SH3D21: variants seen among roughly 807,000 people sequenced by gnomAD.
SH3D21 encodes manchette microtubule inner protein 1.
SH3D21 carries 83 observed loss-of-function variants against 82.1 expected under a neutral mutation model. That is an observed-to-expected ratio of 1.01 (90% CI 0.85 to 1.21). SH3D21 has a LOEUF of 1.21. SH3D21 is among the 50% of genes most tolerant of loss of function. SH3D21 has a pLI of 0.00. For missense variants in SH3D21, 980 were observed against 962.1 expected, an observed-to-expected ratio of 1.02 and a Z score of -0.25; for synonymous variants, 383 against 387.8, an observed-to-expected ratio of 0.99 and a Z score of 0.15.
chr1:36,321,299 C>G lies in SH3D21; in HGVS notation c.*172C>G, dbSNP rs1179858304. The G allele has an allele frequency of 6.3e-6, 9 of 1,439,802 alleles. No homozygotes were observed. The highest frequency in any genetic ancestry group is 1.4e-5 in the African/African-American group (1 of 69,690). 89.2% of individuals were successfully genotyped at this position (1,439,802 alleles called of 1,614,324 possible). On this transcript the variant is annotated 3_prime_UTR_variant, in exon 16 of 16. Coordinates refer to ENST00000453908, the MANE Select transcript of SH3D21 (RefSeq NM_001162530.2). The surrounding 1 kb of genome is among the most constrained non-coding windows in gnomAD (Gnocchi z 6.1). ...AGGGCCTGGGCCTCCGCATTCCTGA[C>G]GGTCCCTCCCAGGCACATCTGGCCA...
downstream of SH3D21, among the ~76,000 whole-genome samples, chr1:36,326,027 A>C (rs561715185): frequency 6.6e-6 from 1 of 152,312 alleles, no homozygotes; most frequent in South Asian, 2.1e-4. Context: ...TCACAGGGAC[A>C]TCCACAGTGA....
rs1646149117 is a variant in SH3D21 at position 36,307,337 on chromosome 1, C to G, written c.345+52C>G. The G allele has an allele frequency of 6.5e-7, 1 of 1,546,034 alleles. No homozygotes were observed. The highest frequency in any genetic ancestry group is 8.8e-7 in the Non-Finnish European group (1 of 1,142,564). Reference sequence around the variant, plus strand: ...TGGGGGAGGATGATGGAACGCGCCTCCCTAGTGAGCGGGGTGGGAAGTGAG... The same window carrying G: ...TGGGGGAGGATGATGGAACGCGCCTGCCTAGTGAGCGGGGTGGGAAGTGAG... On this transcript the variant is annotated intron_variant, in intron 4 of 15. Coordinates refer to ENST00000453908, the MANE Select transcript of SH3D21 (RefSeq NM_001162530.2). The surrounding 1 kb of genome is among the most constrained non-coding windows in gnomAD (Gnocchi z 5.4).
At chr1:36,310,091 A>G (rs570071583) in intron 10 of SH3D21, among the ~76,000 whole-genome samples, 30 of 152,088 alleles carry the variant, frequency 2.0e-4, no homozygotes, top group Admixed American at 1.4e-3. Flanking sequence ...AGTAGCTGGG[A>G]CTACAGGCGC....
chr1:36,318,017 C>G (rs1322630268), intron 10 of SH3D21, among the ~76,000 whole-genome samples: 3 of 152,186 alleles, frequency 2.0e-5, no homozygotes, highest in Non-Finnish European at 2.9e-5. Flanking sequence ...ACAGCCAAAT[C>G]CCAGGTTGGA....
rs557155854 is a variant in SH3D21, at chr1:36,317,434, A to G, written c.770-1637A>G. Among the ~76,000 whole-genome samples, 8 of 152,374 alleles carry G rather than the reference A, an allele frequency of 5.3e-5. No individual in the cohort carries two copies. In the South Asian group the frequency reaches 1.7e-3, roughly 32 times the overall value. Reference sequence around the variant, plus strand: ...TAACATCAGCACTTGTGCACATGCCAGAGTGGCTGTTTTTCTATGGATCTG... The same window carrying G: ...TAACATCAGCACTTGTGCACATGCCGGAGTGGCTGTTTTTCTATGGATCTG... On this transcript the variant is annotated intron_variant, in intron 10 of 15. Transcript: ENST00000453908.
intron 10 of SH3D21, among the ~76,000 whole-genome samples, chr1:36,309,825 A>G (rs1378572412): frequency 6.6e-6 from 1 of 152,302 alleles, no homozygotes; most frequent in East Asian, 1.9e-4. Flanking sequence ...ATTGGTGGGT[A>G]TAGATTTGTT....
At chr1:36,322,459 C>T (rs1315018768), downstream of SH3D21, 1 of 1,604,848 alleles carries the variant, frequency 6.2e-7, no homozygotes, top group South Asian at 1.1e-5. Context: ...GACGTGAAGA[C>T]GTTGACGTTG....
chr1:36,308,629 G>A (rs1646178683), intron 9 of SH3D21, among the ~76,000 whole-genome samples, 154 bp downstream of exon 9: 1 of 152,142 alleles, frequency 6.6e-6, no homozygotes, highest in Non-Finnish European at 1.5e-5. Context: ...TACCGGTTGA[G>A]TATCGCTTAT....
At chr1:36,312,102 G>A (rs1469398810) in intron 10 of SH3D21, among the ~76,000 whole-genome samples, 1 of 151,234 alleles carries the variant, frequency 6.6e-6, no homozygotes, top group Non-Finnish European at 1.5e-5. Flanking sequence ...TCGGCTCACT[G>A]CAAGCTCCGC....
downstream of SH3D21, chr1:36,321,770 C>A (rs1570409782): frequency 4.2e-5 from 42 of 1,001,502 alleles, no homozygotes; most frequent in Non-Finnish European, 5.0e-5. The surrounding 1 kb of genome is among the most constrained non-coding windows in gnomAD (Gnocchi z 6.1). Flanking sequence ...TGTGTCCAGG[C>A]GTTTGCCGGT....
At chr1:36,313,972 C>CTTTCTTTTT (rs1646291164) in intron 10 of SH3D21, among the ~76,000 whole-genome samples, 1 of 36,784 alleles carries the variant, frequency 2.7e-5, no homozygotes, top group Non-Finnish European at 5.4e-5. Context: ...AACATATTTT[C>CTTTCTTTTT]TTTTTTTTTT....
chr1:36,321,603 A>G (rs1390238702), downstream of SH3D21: 1 of 933,880 alleles, frequency 1.1e-6, no homozygotes, highest in Non-Finnish European at 1.3e-6. The surrounding 1 kb of genome is among the most constrained non-coding windows in gnomAD (Gnocchi z 6.1). Flanking sequence ...TCTCGCTTGA[A>G]CGCACCTCGG....
intron 10 of SH3D21, among the ~76,000 whole-genome samples, chr1:36,310,276 T>C (rs1242680694): frequency 4.6e-5 from 7 of 152,198 alleles, no homozygotes; most frequent in Non-Finnish European, 8.8e-5. Context: ...TAATGTAATA[T>C]TTGATACATG....
chr1:36,306,413 C>CATGGGA lies in SH3D21; in HGVS notation c.-8_-7insATGGGA. 7.7e-7 allele frequency: 1 copy of CATGGGA among 1,305,402 alleles called. No individual in the cohort carries two copies. Among genetic ancestry groups the CATGGGA allele is most frequent in the Non-Finnish European group, 1.0e-6 (1 of 988,960 alleles). 80.9% of individuals were successfully genotyped at this position (1,305,402 alleles called of 1,614,324 possible). ...AGCTGCCAGGCTCTGGAGGGCGCCC[C>CATGGGA]GGAAACCATGGGTAAGTGCGGAGGC... On this transcript the variant is annotated 5_prime_UTR_variant, in exon 1 of 16. It adds an upstream start codon to the 5' untranslated region. Transcript: ENST00000453908. This position sits in a 1 kb window ranked among gnomAD's most constrained non-coding sequence, Gnocchi z 4.5.
chr1:36,319,328 C>T lies in SH3D21; in HGVS notation c.916+16C>T. 2 of 1,551,658 alleles carry T rather than the reference C, an allele frequency of 1.3e-6. No homozygotes were observed. The highest frequency in any genetic ancestry group is 1.7e-6 in the Non-Finnish European group (2 of 1,146,972). ...CGAGACTCAGGCAAGGGCTGCCTTC[C>T]TCCAGTGCGGGGAGGACTGGAGGAC... On this transcript the variant is annotated intron_variant, in intron 12 of 15. Coordinates refer to ENST00000453908, the MANE Select transcript of SH3D21 (RefSeq NM_001162530.2).
At chr1:36,323,267 G>T (rs1448796860), downstream of SH3D21, among the ~76,000 whole-genome samples, 1 of 152,146 alleles carries the variant, frequency 6.6e-6, no homozygotes, top group Non-Finnish European at 1.5e-5. Flanking sequence ...TGGGAGCAGC[G>T]CCGGGGACCG....
At chr1:36,316,559 G>A (rs1007780824) in intron 10 of SH3D21, among the ~76,000 whole-genome samples, 1 of 151,982 alleles carries the variant, frequency 6.6e-6, no homozygotes. Context: ...ACTTCTCCCA[G>A]TAGCCAGAGA....
Position 36,307,100 on chromosome 1 carries a change from T to TGC in SH3D21, c.227-64_227-63dup. 1.9e-6 allele frequency: 3 copies of TGC among 1,542,510 alleles called. No homozygotes were observed. Among genetic ancestry groups the TGC allele is most frequent in the Non-Finnish European group, 2.6e-6 (3 of 1,141,812 alleles). On this transcript the variant is annotated intron_variant, in intron 3 of 15. Coordinates refer to ENST00000453908, the MANE Select transcript of SH3D21 (RefSeq NM_001162530.2). The surrounding 1 kb of genome is among the most constrained non-coding windows in gnomAD (Gnocchi z 5.4). ...GGGACCAAAGGCTACGTGCGCGCCT[T>TGC]GCGCTTCCCCCAGCTCCTCTGACTG...
downstream of SH3D21, chr1:36,322,549 C>A: frequency 6.3e-7 from 1 of 1,596,194 alleles, no homozygotes; most frequent in Non-Finnish European, 8.5e-7. Flanking sequence ...GTGTCCTCCT[C>A]GTCCTCGTCG....
Sources: allele counts gnomAD v4.1 joint callset (sites outside exome capture counted in the v4.1 genomes callset), GRCh38; gene constraint gnomAD v4.1.1; non-coding constraint Gnocchi (gnomAD v3.1); transcripts MANE v1.5; gene names NCBI Gene and HGNC (gene_info 2026-07-23, HGNC 2026-07-21).